Variants in RRAS2 observed in about 807,000 individuals in gnomAD.
RRAS2 encodes the protein ras-related protein R-Ras2.
A neutral mutation model predicts 27.6 loss-of-function variants in RRAS2; 7 were observed. That is an observed-to-expected ratio of 0.25 (90% CI 0.14 to 0.48). The LOEUF (loss-of-function observed/expected upper bound fraction) is 0.48, where lower values mean the gene tolerates loss of function less well. Ranked by LOEUF, RRAS2 falls within the 20% of genes least tolerant of loss-of-function variation. RRAS2 has a pLI of 0.99. For synonymous variants in RRAS2, 86 were observed against 90.9 expected (o/e 0.95, Z 0.31); for missense variants, 178 against 256.2 (o/e 0.69, Z 2.08).
intron 1 of RRAS2, among the ~76,000 whole-genome samples, chr11:14,357,327 A>G (rs1324403322): frequency 1.1e-4 from 17 of 152,034 alleles, no homozygotes; most frequent in Admixed American, 3.3e-4. Context: ...CCATCAGACT[A>G]GTCCCCAAAG....
chr11:14,337,821 G>A, intron 1 of RRAS2, among the ~76,000 whole-genome samples: 1 of 152,026 alleles, frequency 6.6e-6, no homozygotes, highest in Admixed American at 6.6e-5. Context: ...AATTGTTCTG[G>A]GATGAAGGAG....
At chr11:14,344,988 T>C (rs1327434757) in intron 1 of RRAS2, among the ~76,000 whole-genome samples, 2 of 136,672 alleles carry the variant, frequency 1.5e-5, no homozygotes, top group African/African-American at 5.7e-5. Context: ...CAAGACTTTA[T>C]TTTTTTTTTT....
intron 4 of RRAS2, among the ~76,000 whole-genome samples, chr11:14,293,124 A>AATATATATATACATAT: frequency 1.3e-5 from 1 of 76,822 alleles, no homozygotes; most frequent in Non-Finnish European, 2.3e-5. Flanking sequence ...AAACAAAACA[A>AATATATATATACATAT]ATATATATAT....
chr11:14,280,713 G>C (rs1303367607), intron 5 of RRAS2, among the ~76,000 whole-genome samples: 2 of 62,468 alleles, frequency 3.2e-5, no homozygotes, highest in Non-Finnish European at 5.5e-5. Flanking sequence ...GTGACAAAGA[G>C]AAACTCTGTT....
At chr11:14,345,469 T>C (rs1848809715) in intron 1 of RRAS2, among the ~76,000 whole-genome samples, 1 of 152,164 alleles carries the variant, frequency 6.6e-6, no homozygotes, top group Non-Finnish European at 1.5e-5. Flanking sequence ...ACTAAAATAC[T>C]TATAGTCTAG....
chr11:14,359,125 TACGCGTCTCCGCAGCGCC>T lies in RRAS2; in HGVS notation c.-273_-256del, dbSNP rs1455236344. 8 of 1,040,242 alleles carry T rather than the reference TACGCGTCTCCGCAGCGCC, an allele frequency of 7.7e-6. No individual in the cohort carries two copies. The highest frequency in any genetic ancestry group is 9.2e-6 in the Non-Finnish European group (8 of 866,672). The allele number at this position is 1,040,242 out of a possible 1,614,324, so 64.4% of individuals were successfully genotyped here. On this transcript the variant is annotated 5_prime_UTR_variant, in exon 1 of 6. Coordinates refer to ENST00000256196, the MANE Select transcript of RRAS2 (RefSeq NM_012250.6). ...GCAGCGGCCGGGGGGCGCGCTCCTC[TACGCGTCTCCGCAGCGCC>T]TGCCGAACGCAGCCTCCAGCGCCGC...
chr11:14,352,801 ATT>A (rs1194938737), intron 1 of RRAS2, among the ~76,000 whole-genome samples: 1 of 143,396 alleles, frequency 7.0e-6, no homozygotes. Flanking sequence ...AGAGAGAGAC[ATT>A]TTTTTTTTTT....
At chr11:14,328,899 G>A (rs1554951504) in intron 1 of RRAS2, among the ~76,000 whole-genome samples, 1 of 150,906 alleles carries the variant, frequency 6.6e-6, no homozygotes, top group East Asian at 2.0e-4. Flanking sequence ...GCCAACCTCA[G>A]GTGATCCACC....
chr11:14,314,691 G>A (rs1848055566), intron 1 of RRAS2, among the ~76,000 whole-genome samples: 1 of 152,066 alleles, frequency 6.6e-6, no homozygotes, highest in African/African-American at 2.4e-5. Context: ...TGGTTTTTTT[G>A]TAGTTTTTGT....
At chr11:14,346,034 A>C (rs1848821891) in intron 1 of RRAS2, among the ~76,000 whole-genome samples, 1 of 152,216 alleles carries the variant, frequency 6.6e-6, no homozygotes, top group African/African-American at 2.4e-5. Flanking sequence ...CAAAAATACC[A>C]GTTTTGTGGC....
intron 2 of RRAS2, among the ~76,000 whole-genome samples, chr11:14,295,460 A>G (rs146557509): frequency 1.3e-5 from 2 of 152,326 alleles, no homozygotes; most frequent in African/African-American, 4.8e-5. Context: ...ACCTTTGCCA[A>G]AAGGTAGGAA....
At chr11:14,290,476 ACTATAGCATCTCAATTTCATG>A (rs1554945672) in intron 4 of RRAS2, among the ~76,000 whole-genome samples, 2 of 152,144 alleles carry the variant, frequency 1.3e-5, no homozygotes, top group African/African-American at 4.8e-5. Context: ...AAAAACCTCT[ACTATAGCATCTCAATTTCATG>A]CTATAGTATC....
At chr11:14,313,251 T>C (rs563182111) in intron 1 of RRAS2, among the ~76,000 whole-genome samples, 3 of 152,330 alleles carry the variant, frequency 2.0e-5, no homozygotes, top group East Asian at 1.9e-4. Flanking sequence ...ACACAAATTA[T>C]AGCTTGTCTG....
At chr11:14,310,906 C>G (rs1213398727) in intron 1 of RRAS2, among the ~76,000 whole-genome samples, 1 of 152,224 alleles carries the variant, frequency 6.6e-6, no homozygotes, top group Admixed American at 6.5e-5. Flanking sequence ...AATGGACAGA[C>G]AGGTTCTGAT....
At chr11:14,300,784 A>AG (rs781892505) in intron 1 of RRAS2, among the ~76,000 whole-genome samples, 4 of 152,174 alleles carry the variant, frequency 2.6e-5, no homozygotes, top group African/African-American at 7.2e-5. Flanking sequence ...GAGGAAAAGA[A>AG]GAAGGAAGGA....
chr11:14,280,411 G>A (rs1849491784), intron 5 of RRAS2, among the ~76,000 whole-genome samples: 2 of 152,072 alleles, frequency 1.3e-5, no homozygotes, highest in Non-Finnish European at 2.9e-5. Flanking sequence ...TCATCGCTCA[G>A]GTGTCAATTT....
Position 14,358,420 on chromosome 11 carries a change from G to C in RRAS2, c.108+343C>G. 3.0e-6 allele frequency: 3 copies of C among 985,430 alleles called. No homozygotes were observed. The highest frequency in any genetic ancestry group is 3.6e-6 in the Non-Finnish European group (3 of 830,032). The allele number at this position is 985,430 out of a possible 1,614,324, so 61.0% of individuals were successfully genotyped here. On this transcript the variant is annotated intron_variant, in intron 1 of 5. Coordinates refer to ENST00000256196, the MANE Select transcript of RRAS2 (RefSeq NM_012250.6). The surrounding 1 kb of genome is among the most constrained non-coding windows in gnomAD (Gnocchi z 5.1). ...GCTCCAGCCCCACGCCCGGACCCTC[G>C]GAGCAGTAAAGCCCGGCTCGGTGGC...
intron 1 of RRAS2, among the ~76,000 whole-genome samples, chr11:14,304,851 A>G (rs1215347196): frequency 6.6e-6 from 1 of 152,214 alleles, no homozygotes; most frequent in African/African-American, 2.4e-5. Context: ...CTGTCATGTC[A>G]CAGAGAACCT....
At chr11:14,338,453 T>C (rs782595178) in intron 1 of RRAS2, among the ~76,000 whole-genome samples, 12 of 152,222 alleles carry the variant, frequency 7.9e-5, no homozygotes, top group South Asian at 2.1e-4. Flanking sequence ...TTTATGTTTC[T>C]ATACACTTTT....
Sources: gnomAD v4.1 joint callset for allele counts (sites outside exome capture counted in the v4.1 genomes callset) on GRCh38, gnomAD v4.1.1 for gene constraint, Gnocchi (gnomAD v3.1) non-coding constraint, MANE v1.5 for transcripts, NCBI Gene and HGNC (gene_info 2026-07-23, HGNC 2026-07-21) for gene names.